The following JADE3 variants were observed in gnomAD, a reference collection of about 807,000 sequenced individuals.
The protein encoded by JADE3 is jade family PHD finger 3, also known as protein Jade-3.
A neutral mutation model predicts 50.1 loss-of-function variants in JADE3; 2 were observed. The ratio of observed to expected loss-of-function variants is 0.04; its 90% CI spans 0.02 to 0.13. The LOEUF (loss-of-function observed/expected upper bound fraction) is 0.13. Ranked by LOEUF, JADE3 falls within the 10% of genes least tolerant of loss-of-function variation. The probability of loss-of-function intolerance (pLI) is 1.00; values close to 1 mark genes in which losing one functional copy is unlikely to be tolerated. For synonymous variants in JADE3, 218 were observed against 232.9 expected (o/e 0.94, Z 0.58); for missense variants, 475 against 634.4 (o/e 0.75, Z 2.70).
chrX:47,050,475 A>G (rs1929480878), intron 8 of JADE3, among the ~76,000 whole-genome samples: 1 of 111,762 alleles, frequency 8.9e-6, no homozygotes, highest in Non-Finnish European at 1.9e-5. Flanking sequence ...GAACACCAGA[A>G]CTTATTCCTC....
At chrX:47,006,429 G>A (rs932400633) in intron 4 of JADE3, among the ~76,000 whole-genome samples, 23 of 106,312 alleles carry the variant, frequency 2.2e-4, no homozygotes, top group Non-Finnish European at 3.1e-4. Context: ...GACTACAGGC[G>A]CATGCCACCA....
At chrX:46,988,722 A>C (rs1175052236) in intron 3 of JADE3, among the ~76,000 whole-genome samples, 4 of 112,595 alleles carry the variant, frequency 3.6e-5, no homozygotes, top group African/African-American at 1.3e-4. Flanking sequence ...GGTGACAAGC[A>C]CACACTACTC....
Position 47,034,869 on chromosome X carries a change from C to T in JADE3, c.855+1081C>T, listed in dbSNP as rs182389503. Among the ~76,000 whole-genome samples, 59 of 108,939 alleles carry T rather than the reference C, an allele frequency of 5.4e-4. 1 individual carries two copies. The East Asian group carries it at 0.013, about 24-fold the overall frequency. 94.6% of individuals were successfully genotyped at this position (108,939 alleles called of 115,157 possible). A position where few individuals can be genotyped will look rare whatever the true frequency, so the allele number is the denominator to read the frequency against. ...CCTCACGTGATCCACCTGTCTAGGC[C>T]TCCCAAAGTGCTGGGATTACAGGCG... On this transcript the variant is annotated intron_variant, in intron 7 of 10. Coordinates refer to ENST00000614628, the MANE Select transcript of JADE3 (RefSeq NM_014735.5).
At chrX:46,985,108 A>C (rs1000054742) in intron 2 of JADE3, among the ~76,000 whole-genome samples, 168 bp downstream of exon 2, 1 of 112,259 alleles carries the variant, frequency 8.9e-6, no homozygotes, top group African/African-American at 3.2e-5. Context: ...TTAGAGATAG[A>C]TAAATTAGAA....
intron 3 of JADE3, among the ~76,000 whole-genome samples, chrX:46,988,261 G>A (rs782701702): frequency 2.0e-4 from 22 of 110,999 alleles, no homozygotes; most frequent in African/African-American, 6.2e-4. Flanking sequence ...AATCAAGCAC[G>A]TCGGGGAAGT....
intron 1 of JADE3, among the ~76,000 whole-genome samples, chrX:46,959,404 C>A (rs782287593): frequency 8.9e-6 from 1 of 112,199 alleles, no homozygotes; most frequent in Admixed American, 9.4e-5. Flanking sequence ...ATTCATTCTT[C>A]ATTCATATGT....
At chrX:46,981,767 C>T (rs190009392) in intron 1 of JADE3, among the ~76,000 whole-genome samples, 57 of 112,303 alleles carry the variant, frequency 5.1e-4, no homozygotes, top group Admixed American at 3.5e-3. Context: ...AATATATTCA[C>T]AGATATGTGC....
intron 8 of JADE3, among the ~76,000 whole-genome samples, chrX:47,047,098 G>A (rs367776502): frequency 8.9e-6 from 1 of 111,753 alleles, no homozygotes; most frequent in Non-Finnish European, 1.9e-5. Flanking sequence ...TTGGGAGCCC[G>A]AGGCAAGAGG....
chrX:47,058,549 A>T lies in JADE3; in HGVS notation c.1944A>T (p.Gly648=). 3.3e-6 allele frequency: 4 copies of T among 1,211,048 alleles called. No homozygotes were observed. The highest frequency in any genetic ancestry group is 4.5e-6 in the Non-Finnish European group (4 of 895,283). The change falls in exon 11 of 11, where the codon GGA becomes GGT. Residue 648 remains glycine, a synonymous_variant. Transcript: ENST00000614628. ...KPLVLQAALH[G]QSSIGNGKSQ... Reference sequence around the variant, plus strand: ...TGGTCCTTCAGGCTGCCCTCCATGGACAGTCTTCCATTGGGAATGGGAAAA... The same window carrying T: ...TGGTCCTTCAGGCTGCCCTCCATGGTCAGTCTTCCATTGGGAATGGGAAAA...
intron 4 of JADE3, among the ~76,000 whole-genome samples, chrX:47,003,161 T>C (rs1348508228): frequency 4.5e-5 from 5 of 111,495 alleles, no homozygotes; most frequent in African/African-American, 1.6e-4. Context: ...AACCTGAGTA[T>C]TAGTCAGCTT....
intron 1 of JADE3, among the ~76,000 whole-genome samples, chrX:46,940,560 T>A (rs1333919426): frequency 1.8e-5 from 2 of 111,760 alleles, no homozygotes; most frequent in Non-Finnish European, 3.8e-5. Flanking sequence ...AGGCTTCTTT[T>A]GTGAGGGTGT....
intron 1 of JADE3, among the ~76,000 whole-genome samples, chrX:46,956,047 G>A (rs150356396): frequency 5.6e-4 from 62 of 111,307 alleles, no homozygotes; most frequent in African/African-American, 2.0e-3. Context: ...TCTCCCACCC[G>A]TGGCCTTTTT....
chrX:47,006,418 G>A (rs1389978327), intron 4 of JADE3, among the ~76,000 whole-genome samples: 1 of 108,461 alleles, frequency 9.2e-6, no homozygotes, highest in Non-Finnish European at 1.9e-5. Flanking sequence ...TAAGTAGCTG[G>A]GACTACAGGC....
intron 1 of JADE3, among the ~76,000 whole-genome samples, chrX:46,983,885 T>G: frequency 9.0e-6 from 1 of 111,302 alleles, no homozygotes; most frequent in Admixed American, 9.5e-5. Context: ...AGTGGAACTC[T>G]GTGAGCTTTT....
intron 8 of JADE3, among the ~76,000 whole-genome samples, chrX:47,053,280 A>G: frequency 9.1e-6 from 1 of 110,186 alleles, no homozygotes; most frequent in Non-Finnish European, 1.9e-5. Context: ...TCTTTTTGAG[A>G]TAGGTTCTCA....
At chrX:46,934,303 T>A (rs1926563106) in intron 1 of JADE3, among the ~76,000 whole-genome samples, 1 of 101,512 alleles carries the variant, frequency 9.9e-6, no homozygotes, top group South Asian at 4.5e-4. Context: ...GCCTGGCAAA[T>A]TTTTTTTTTT....
At chrX:47,021,025 G>A (rs1156558646) in intron 4 of JADE3, among the ~76,000 whole-genome samples, 2 of 109,788 alleles carry the variant, frequency 1.8e-5, no homozygotes, top group African/African-American at 6.6e-5. Flanking sequence ...GAGGTGGCAG[G>A]ATCACTTGAG....
intron 4 of JADE3, among the ~76,000 whole-genome samples, chrX:47,010,496 G>C (rs189792302): frequency 8.9e-6 from 1 of 112,288 alleles, no homozygotes; most frequent in Non-Finnish European, 1.9e-5. Flanking sequence ...GATTACAGGC[G>C]TGAGCCACCG....
intron 1 of JADE3, among the ~76,000 whole-genome samples, chrX:46,946,393 G>A (rs1455298086): frequency 8.9e-6 from 1 of 111,773 alleles, no homozygotes; most frequent in South Asian, 3.7e-4. Context: ...CCCTCCCATG[G>A]AGGTAGCATA....
Sources: allele counts gnomAD v4.1 joint callset (sites outside exome capture counted in the v4.1 genomes callset), GRCh38; gene constraint gnomAD v4.1.1; transcripts MANE v1.5; gene names NCBI Gene and HGNC (gene_info 2026-07-23, HGNC 2026-07-21).